The following ITGA1 variants were observed in gnomAD, a reference collection of about 807,000 sequenced individuals.
The protein encoded by ITGA1 is integrin subunit alpha 1.
A neutral mutation model predicts 145.9 loss-of-function variants in ITGA1; 85 were observed. That is an observed-to-expected ratio of 0.58 (90% CI 0.49 to 0.70). The LOEUF (loss-of-function observed/expected upper bound fraction) is 0.70. ITGA1 is among the 30% of genes least tolerant of loss of function. The pLI is 0.00. For synonymous variants in ITGA1, 520 were observed against 495.3 expected (o/e 1.05, Z -0.66); for missense variants, 1,351 against 1,418.7 (o/e 0.95, Z 0.77).
rs1297132924 is a variant in ITGA1, at chr5:52,957,077, A to G, written c.*4626A>G. ...AAACTGTAACATTGTAATCGGACGA[A>G]CAAATCAGCATCTTTGATCCTCAGG... On this transcript the variant is annotated 3_prime_UTR_variant, in exon 29 of 29. Transcript: ENST00000282588. The G allele has an allele frequency of 3.9e-5, 6 of 152,214 alleles. No homozygotes were observed. The highest frequency in any genetic ancestry group is 3.3e-4 in the Admixed American group (5 of 15,286). The allele number at this position is 152,214 out of a possible 1,614,324, so 9.4% of individuals were successfully genotyped here.
At chr5:52,837,731 A>G (rs1488954957) in intron 1 of ITGA1, among the ~76,000 whole-genome samples, 1 of 152,048 alleles carries the variant, frequency 6.6e-6, no homozygotes, top group African/African-American at 2.4e-5. Context: ...AATGTAAAAG[A>G]TGATGCTACT....
In ITGA1 at chr5:52,944,942, G is replaced by C. The variant is rs181135464; in HGVS notation, c.3286-1G>C. ...AAGAACAAATCCTATTTGCTTTTCAGTCATATTTTTCCAGCTTAAATCTTA... is the reference window on the plus strand; with the variant it reads ...AAGAACAAATCCTATTTGCTTTTCACTCATATTTTTCCAGCTTAAATCTTA... On this transcript the variant is annotated splice_acceptor_variant, in intron 26 of 28. Coordinates refer to ENST00000282588, the MANE Select transcript of ITGA1 (RefSeq NM_181501.2). LOFTEE classifies it high-confidence loss of function. 6.2e-7 allele frequency: 1 copy of C among 1,604,222 alleles called. No homozygotes were observed. The highest frequency in any genetic ancestry group is 1.7e-5 in the Admixed American group (1 of 59,940).
At chr5:52,936,590 A>G (rs1280831260) in intron 23 of ITGA1, among the ~76,000 whole-genome samples, 1 of 152,208 alleles carries the variant, frequency 6.6e-6, no homozygotes, top group Non-Finnish European at 1.5e-5. Flanking sequence ...ATTATGCTTC[A>G]GCAGTAGGAA....
At chr5:52,941,398 T>A (rs1751052224) in intron 26 of ITGA1, among the ~76,000 whole-genome samples, 1 of 152,246 alleles carries the variant, frequency 6.6e-6, no homozygotes, top group Non-Finnish European at 1.5e-5. Flanking sequence ...CAACAGTGTA[T>A]AAGCTTTTCC....
intron 13 of ITGA1, among the ~76,000 whole-genome samples, chr5:52,909,582 TTATC>T (rs1485105758): frequency 6.6e-6 from 1 of 152,192 alleles, no homozygotes; most frequent in Non-Finnish European, 1.5e-5. Flanking sequence ...AAGCCAGTGT[TTATC>T]TATTTAGCTT....
chr5:52,951,065 T>C (rs897607980), intron 28 of ITGA1, among the ~76,000 whole-genome samples: 6 of 152,182 alleles, frequency 3.9e-5, no homozygotes, highest in Admixed American at 1.3e-4. Context: ...GATGGCATAA[T>C]AGAAGACATG....
rs34805605 is a variant in ITGA1 at position 52,942,532 on chromosome 5, G to GTT, written c.3286-2396_3286-2395dup. On this transcript the variant is annotated intron_variant, in intron 26 of 28. Coordinates refer to ENST00000282588, the MANE Select transcript of ITGA1 (RefSeq NM_181501.2). ...GTTTTTTGTAGCTTCTGTAAATGGA[G>GTT]TTTTTTTTTTTTTTTTGAGACGGAG... Among the ~76,000 whole-genome samples the GTT allele has an allele frequency of 5.0e-3, 661 of 133,388 alleles. 9 individuals carry two copies. The highest frequency in any genetic ancestry group is 0.017 in the African/African-American group (587 of 35,340). The allele number at this position is 133,388 out of a possible 152,430, so 87.5% of individuals were successfully genotyped here.
At chr5:52,834,060 T>C (rs561382206) in intron 1 of ITGA1, among the ~76,000 whole-genome samples, 10 of 152,288 alleles carry the variant, frequency 6.6e-5, no homozygotes, top group South Asian at 2.1e-4. Flanking sequence ...CAATGTACAA[T>C]AACACATAAC....
At chr5:52,912,740 GTATA>G (rs1554046519) in intron 14 of ITGA1, among the ~76,000 whole-genome samples, 1 of 125,998 alleles carries the variant, frequency 7.9e-6, no homozygotes, top group Non-Finnish European at 1.6e-5. Context: ...GTGTGTGTGT[GTATA>G]TATATATATA....
chr5:52,845,858 C>CA (rs1749326063), intron 1 of ITGA1, among the ~76,000 whole-genome samples: 1 of 152,024 alleles, frequency 6.6e-6, no homozygotes, highest in Admixed American at 6.6e-5. Context: ...TGAAATTGTT[C>CA]AAAAAATAAA....
At chr5:52,855,096 C>T (rs1054023131) in intron 2 of ITGA1, among the ~76,000 whole-genome samples, 6 of 152,146 alleles carry the variant, frequency 3.9e-5, no homozygotes, top group South Asian at 2.1e-4. Flanking sequence ...TGGGTTTGGG[C>T]GGATATCATT....
chr5:52,933,047 G>A (rs1207532955), intron 22 of ITGA1: 1 of 151,804 alleles, frequency 6.6e-6, no homozygotes, highest in Non-Finnish European at 1.5e-5. Flanking sequence ...TAAGGCGCTT[G>A]GAGACGTTGT....
At chr5:52,835,388 T>C (rs1749147173) in intron 1 of ITGA1, among the ~76,000 whole-genome samples, 1 of 152,094 alleles carries the variant, frequency 6.6e-6, no homozygotes, top group Non-Finnish European at 1.5e-5. Flanking sequence ...AGAGGAAGAA[T>C]GATTATCAAC....
intron 13 of ITGA1, among the ~76,000 whole-genome samples, chr5:52,909,769 T>G (rs906704174): frequency 3.0e-5 from 4 of 133,696 alleles, no homozygotes; most frequent in African/African-American, 1.1e-4. Flanking sequence ...TCTGTCTGGG[T>G]TTTTTTTTTT....
intron 24 of ITGA1, among the ~76,000 whole-genome samples, chr5:52,938,336 T>C (rs1330244696): frequency 6.6e-6 from 1 of 152,148 alleles, no homozygotes; most frequent in African/African-American, 2.4e-5. Flanking sequence ...GACTATATGA[T>C]GGTTCATTAT....
chr5:52,878,025 TCAAG>T (rs1178654734), intron 6 of ITGA1, among the ~76,000 whole-genome samples: 1 of 152,170 alleles, frequency 6.6e-6, no homozygotes, highest in Non-Finnish European at 1.5e-5. Flanking sequence ...AAGTGTAATT[TCAAG>T]TGGAATCCAG....
chr5:52,908,976 G>A lies in ITGA1; in HGVS notation c.1534G>A (p.Ala512Thr), dbSNP rs768620337. 39 of 1,613,692 alleles carry A rather than the reference G, an allele frequency of 2.4e-5. No individual in the cohort carries two copies. The highest frequency in any genetic ancestry group is 3.3e-5 in the Non-Finnish European group (39 of 1,179,822). Residue 512 changes from alanine to threonine, a missense_variant, in exon 13 of 29, where the codon GCC (alanine) becomes ACC (threonine). Ala to Thr is a moderately conservative substitution (Grantham distance 58). Transcript: ENST00000282588. ...DSNTDILLVGAPMYMGTEKEE... is the reference protein window; with the variant it reads ...DSNTDILLVGTPMYMGTEKEE... ...TAATACTGACATTCTTCTAGTCGGAGCCCCTATGTACATGGGAACAGAGAA... is the reference window on the plus strand; with the variant it reads ...TAATACTGACATTCTTCTAGTCGGAACCCCTATGTACATGGGAACAGAGAA...
At chr5:52,926,780 G>A (rs1054098071) in intron 19 of ITGA1, among the ~76,000 whole-genome samples, 2 of 152,060 alleles carry the variant, frequency 1.3e-5, no homozygotes, top group African/African-American at 4.8e-5. Flanking sequence ...TCTCTTCTGT[G>A]TATATTAACA....
intron 1 of ITGA1, among the ~76,000 whole-genome samples, chr5:52,842,031 C>T (rs779912045): frequency 6.6e-6 from 1 of 152,090 alleles, no homozygotes; most frequent in Admixed American, 6.6e-5. Context: ...TCGGTGAATT[C>T]CTTAGTAGAA....
Sources: allele counts gnomAD v4.1 joint callset (sites outside exome capture counted in the v4.1 genomes callset), GRCh38; gene constraint gnomAD v4.1.1; transcripts MANE v1.5; gene names NCBI Gene and HGNC (gene_info 2026-07-23, HGNC 2026-07-21).